The following PRMT3 variants were observed in gnomAD, a reference collection of about 807,000 sequenced individuals.
The protein encoded by PRMT3 is protein arginine N-methyltransferase 3.
In PRMT3, 62 loss-of-function variants were observed where a neutral mutation model predicts 71.9. The observed-to-expected ratio is 0.86, with a 90% CI of 0.70 to 1.07. The LOEUF (loss-of-function observed/expected upper bound fraction) is 1.07. Among genes scored for constraint, PRMT3 ranks in the 50% least tolerant of loss-of-function variants. The pLI is 0.00. For missense variants in PRMT3, 663 were observed against 643.0 expected, an observed-to-expected ratio of 1.03 and a Z score of -0.34; for synonymous variants, 213 against 220.4, an observed-to-expected ratio of 0.97 and a Z score of 0.30.
At chr11:20,406,102 C>T (rs952734768) in intron 8 of PRMT3, 3 of 152,176 alleles carry the variant, frequency 2.0e-5, no homozygotes, top group African/African-American at 7.2e-5. Flanking sequence ...GGTTCCAGGA[C>T]CCTCTGTGGA....
At chr11:20,495,827 G>GA (rs1416196031) in intron 15 of PRMT3, among the ~76,000 whole-genome samples, 1 of 152,090 alleles carries the variant, frequency 6.6e-6, no homozygotes, top group African/African-American at 2.4e-5. Flanking sequence ...AAGCTGCAGT[G>GA]AAAAAAATCC....
chr11:20,485,203 C>T (rs1214621586), intron 13 of PRMT3, among the ~76,000 whole-genome samples: 5 of 152,042 alleles, frequency 3.3e-5, no homozygotes, highest in African/African-American at 1.2e-4. Context: ...ATTAAGATCT[C>T]GGTTTGCCAT....
At chr11:20,480,195 G>C (rs1239182970) in intron 13 of PRMT3, among the ~76,000 whole-genome samples, 1 of 152,106 alleles carries the variant, frequency 6.6e-6, no homozygotes, top group Admixed American at 6.5e-5. Flanking sequence ...GAAGTCTCTG[G>C]AGTACTAGGA....
At chr11:20,440,509 A>G (rs975216451) in intron 10 of PRMT3, among the ~76,000 whole-genome samples, 4 of 149,992 alleles carry the variant, frequency 2.7e-5, no homozygotes, top group African/African-American at 7.3e-5. Context: ...AAAAAAAAAA[A>G]AGAGAAAATA....
intron 9 of PRMT3, among the ~76,000 whole-genome samples, chr11:20,417,307 T>C (rs1849327942): frequency 6.6e-6 from 1 of 152,208 alleles, no homozygotes; most frequent in African/African-American, 2.4e-5. Context: ...CGATGACATA[T>C]TGAACTGAAA....
At chr11:20,489,140 TTTG>T (rs1221515579) in intron 13 of PRMT3, among the ~76,000 whole-genome samples, 32 of 152,214 alleles carry the variant, frequency 2.1e-4, no homozygotes, top group Admixed American at 1.9e-3. Context: ...TATCATTGTT[TTTG>T]TTTTTTTACT....
At chr11:20,452,440 A>G (rs1850171246) in intron 11 of PRMT3, among the ~76,000 whole-genome samples, 1 of 152,212 alleles carries the variant, frequency 6.6e-6, no homozygotes, top group Admixed American at 6.5e-5. Context: ...TTTTATTAAA[A>G]GGTCCTTTTA....
chr11:20,436,128 A>G (rs1849754802), intron 10 of PRMT3, among the ~76,000 whole-genome samples: 2 of 152,212 alleles, frequency 1.3e-5, no homozygotes, highest in Admixed American at 6.5e-5. Context: ...TCCCCTGGGT[A>G]TAGAAATGCT....
intron 9 of PRMT3, among the ~76,000 whole-genome samples, chr11:20,415,054 G>GTGTGTGTA (rs1849275248): frequency 6.6e-6 from 1 of 151,104 alleles, no homozygotes; most frequent in South Asian, 2.1e-4. Flanking sequence ...GTGTGTGTGT[G>GTGTGTGTA]TATTTTGGAA....
intron 10 of PRMT3, 126 bp from the exon 11 acceptor site, chr11:20,452,004 A>G: frequency 3.4e-6 from 2 of 583,638 alleles, no homozygotes; most frequent in Non-Finnish European, 2.7e-6. Context: ...TTTGCAGAAT[A>G]TTATTACATC....
At chr11:20,500,644 C>G (rs936103623) in intron 15 of PRMT3, among the ~76,000 whole-genome samples, 4 of 152,126 alleles carry the variant, frequency 2.6e-5, no homozygotes, top group Non-Finnish European at 5.9e-5. Flanking sequence ...AAAGGGTGAT[C>G]TTTTGAAATG....
chr11:20,389,653 TA>T (rs56308542), intron 2 of PRMT3, 90 bp from the exon 3 acceptor site: 13,862 of 661,816 alleles, frequency 0.021, 915 homozygotes, highest in African/African-American at 0.2. Flanking sequence ...CCAGCAGAGT[TA>T]AAAAAAAAAA....
chr11:20,433,258 G>A (rs1436001153), intron 10 of PRMT3, among the ~76,000 whole-genome samples: 1 of 151,602 alleles, frequency 6.6e-6, no homozygotes, highest in African/African-American at 2.4e-5. Flanking sequence ...TCTCGTATTC[G>A]TGAGTTCTCA....
At chr11:20,391,628 T>C (rs943358367) in intron 3 of PRMT3, among the ~76,000 whole-genome samples, 18 of 152,252 alleles carry the variant, frequency 1.2e-4, no homozygotes, top group African/African-American at 3.9e-4. Flanking sequence ...CTTACCGATA[T>C]AGGGGGTTTG....
At chr11:20,420,402 A>G (rs994983232) in intron 9 of PRMT3, among the ~76,000 whole-genome samples, 1 of 152,160 alleles carries the variant, frequency 6.6e-6, no homozygotes, top group Non-Finnish European at 1.5e-5. Flanking sequence ...GGGGTCCCCA[A>G]TCCCCAGGCT....
Position 20,426,875 on chromosome 11 carries a change from T to C in PRMT3, c.993+10T>C, listed in dbSNP as rs371653954. The C allele has an allele frequency of 4.6e-6, 7 of 1,519,674 alleles. No individual in the cohort carries two copies. Among genetic ancestry groups the C allele is most frequent in the Non-Finnish European group, 6.1e-6 (7 of 1,146,086 alleles). 94.1% of individuals were successfully genotyped at this position (1,519,674 alleles called of 1,614,324 possible). A position where few individuals can be genotyped will look rare whatever the true frequency, so the allele number is the denominator to read the frequency against. ...CATATCTGAGTGGATGGTGAGTGTT[T>C]ATAGAAAAAACTACTTTCACTGGTA... On this transcript the variant is annotated intron_variant, in intron 10 of 15. Transcript: ENST00000331079.
chr11:20,508,192 T>A, intron 15 of PRMT3, 112 bp from the exon 16 acceptor site: 2 of 555,202 alleles, frequency 3.6e-6, no homozygotes, highest in Non-Finnish European at 3.1e-6. Flanking sequence ...TTAAATAAAG[T>A]TTAAAAAGTG....
At chr11:20,408,970 G>A (rs1849131952) in intron 9 of PRMT3, among the ~76,000 whole-genome samples, 1 of 152,074 alleles carries the variant, frequency 6.6e-6, no homozygotes, top group South Asian at 2.1e-4. Context: ...GGTGGTGCAT[G>A]CCTGTAATTC....
intron 10 of PRMT3, among the ~76,000 whole-genome samples, chr11:20,440,416 C>A (rs558061770): frequency 7.1e-6 from 1 of 141,814 alleles, no homozygotes. Context: ...GAGGCCAAGG[C>A]GGGCGAATCA....
Sources: allele counts gnomAD v4.1 joint callset (sites outside exome capture counted in the v4.1 genomes callset), GRCh38; gene constraint gnomAD v4.1.1; transcripts MANE v1.5; gene names NCBI Gene and HGNC (gene_info 2026-07-23, HGNC 2026-07-21).